Variants in PEAK1 observed in about 807,000 individuals in gnomAD.
PEAK1 encodes the protein inactive tyrosine-protein kinase PEAK1.
A neutral mutation model predicts 124.7 loss-of-function variants in PEAK1; 54 were observed. That is an observed-to-expected ratio of 0.43 (90% CI 0.35 to 0.54). The LOEUF is 0.54. Ranked by LOEUF, PEAK1 falls within the 20% of genes least tolerant of loss-of-function variation. The pLI is 0.01. For missense variants in PEAK1, 2,046 were observed against 2,134.5 expected, an observed-to-expected ratio of 0.96 and a Z score of 0.82; for synonymous variants, 719 against 760.0, an observed-to-expected ratio of 0.95 and a Z score of 0.89.
At chr15:77,397,409 G>T (rs975516944) in intron 1 of PEAK1, among the ~76,000 whole-genome samples, 2 of 151,710 alleles carry the variant, frequency 1.3e-5, no homozygotes, top group South Asian at 4.2e-4. Flanking sequence ...AACTAGAAAA[G>T]CAAGAGCAAA....
chr15:77,250,608 T>A (rs563991940), intron 6 of PEAK1, among the ~76,000 whole-genome samples: 15 of 152,042 alleles, frequency 9.9e-5, no homozygotes, highest in Non-Finnish European at 1.9e-4. Flanking sequence ...AATTTTTTTT[T>A]ATTTTTAGCA....
chr15:77,256,137 C>G (rs1205397321), intron 5 of PEAK1, among the ~76,000 whole-genome samples: 2 of 152,012 alleles, frequency 1.3e-5, no homozygotes, highest in African/African-American at 4.8e-5. Flanking sequence ...GAACTATGTA[C>G]TAATTTGGGA....
intron 2 of PEAK1, among the ~76,000 whole-genome samples, chr15:77,364,110 A>G (rs146080401): frequency 5.2e-4 from 79 of 152,264 alleles, no homozygotes; most frequent in Non-Finnish European, 8.5e-4. Context: ...GAGGTAGGAG[A>G]ACTGCTTGAA....
chr15:77,321,818 C>T (rs905302254), intron 2 of PEAK1, among the ~76,000 whole-genome samples: 6 of 152,088 alleles, frequency 3.9e-5, no homozygotes, highest in Non-Finnish European at 7.4e-5. Flanking sequence ...TAATCCATCT[C>T]AAATTAACTT....
intron 1 of PEAK1, among the ~76,000 whole-genome samples, chr15:77,399,946 A>G (rs1279069377): frequency 6.6e-6 from 1 of 152,250 alleles, no homozygotes; most frequent in African/African-American, 2.4e-5. Flanking sequence ...AGAATATAGA[A>G]GGAGCTCAAA....
intron 1 of PEAK1, among the ~76,000 whole-genome samples, chr15:77,382,454 T>C (rs560284220): frequency 3.9e-5 from 6 of 152,346 alleles, no homozygotes. Context: ...TGTGTGGCTA[T>C]GTGAGGCTCG....
At position 77,115,222 on chromosome 15, in the gene PEAK1, C is replaced by A. The variant is rs763195169; in HGVS notation, c.4175G>T (p.Gly1392Val). 1 of 1,614,034 alleles carries A rather than the reference C, an allele frequency of 6.2e-7. No homozygotes were observed. Among genetic ancestry groups the A allele is most frequent in the African/African-American group, 1.3e-5 (1 of 74,912 alleles). The stretch of plus-strand genomic sequence containing the variant: ...GTTAGGGACTTCAGCAAGGAAATGA[C>A]CACAGTCCTGCTGAATGTTAAAATG... ...AVHFNIQQDC[G>V]HFLAEVPNRL... Residue 1392 changes from glycine (G) to valine (V), a missense_variant, in exon 10 of 10, where the codon GGT (glycine) becomes GTT (valine). By Grantham distance (109) the Gly-to-Val change is moderately radical. Coordinates refer to ENST00000682557, the MANE Select transcript of PEAK1 (RefSeq NM_001385026.1).
intron 5 of PEAK1, among the ~76,000 whole-genome samples, chr15:77,274,381 G>A (rs1043831107): frequency 6.6e-6 from 1 of 151,664 alleles, no homozygotes. Context: ...ATCCGACAAA[G>A]GACTAATATC....
chr15:77,232,779 CT>C (rs1228584371), intron 6 of PEAK1, among the ~76,000 whole-genome samples: 1 of 152,148 alleles, frequency 6.6e-6, no homozygotes, highest in African/African-American at 2.4e-5. Flanking sequence ...GATTCTTGCT[CT>C]TGTCACCCAG....
chr15:77,262,786 T>A (rs920669388), intron 5 of PEAK1, among the ~76,000 whole-genome samples: 2 of 151,750 alleles, frequency 1.3e-5, no homozygotes, highest in African/African-American at 4.8e-5. Context: ...CCACCCCAAA[T>A]CAACAGAATA....
At chr15:77,354,970 C>T (rs538123532) in intron 2 of PEAK1, among the ~76,000 whole-genome samples, 3 of 151,286 alleles carry the variant, frequency 2.0e-5, no homozygotes, top group Non-Finnish European at 2.9e-5. Flanking sequence ...ACCTGGGAGG[C>T]GGAGCTTGCA....
At chr15:77,175,395 C>T (rs569135567) in intron 7 of PEAK1, among the ~76,000 whole-genome samples, 4 of 151,814 alleles carry the variant, frequency 2.6e-5, no homozygotes, top group African/African-American at 9.7e-5. Flanking sequence ...TGAACTCAAA[C>T]AAATTTACAA....
intron 5 of PEAK1, 118 bp downstream of exon 5, chr15:77,283,765 G>A (rs556970598): frequency 2.7e-5 from 8 of 293,404 alleles, no homozygotes; most frequent in East Asian, 1.7e-4. Flanking sequence ...TCAGGATAAC[G>A]TATGTGGTTG....
In PEAK1 at chr15:77,117,007, C is replaced by A. The variant is rs114080175; in HGVS notation, c.4078-1688G>T. ...GTTATTTTTGTAACTGCACTGTTGG[C>A]AATATTTCACATTTAAGTGTTACCA... On this transcript the variant is annotated intron_variant, in intron 9 of 9. Coordinates refer to ENST00000682557, the MANE Select transcript of PEAK1 (RefSeq NM_001385026.1). 7.4e-3 allele frequency among the ~76,000 whole-genome samples: 1,125 copies of A among 152,220 alleles called. 15 individuals are homozygous for A. The highest frequency in any genetic ancestry group is 0.025 in the African/African-American group (1,059 of 41,536).
At chr15:77,246,014 T>C (rs1037750999) in intron 6 of PEAK1, among the ~76,000 whole-genome samples, 7 of 141,436 alleles carry the variant, frequency 4.9e-5, no homozygotes, top group African/African-American at 1.8e-4. Context: ...CCTGCTAGAC[T>C]TTTTTTTTTT....
rs1486232535 is a variant in PEAK1, at chr15:77,179,238, T to C, written c.2689A>G (p.Thr897Ala). 2 of 1,614,020 alleles carry C rather than the reference T, an allele frequency of 1.2e-6. No individual in the cohort carries two copies. The highest frequency in any genetic ancestry group is 1.7e-5 in the Admixed American group (1 of 59,984). The change falls in exon 7 of 10, where the codon ACC (threonine) becomes GCC (alanine). Residue 897 changes from threonine to alanine, a missense_variant. Physicochemically the swap from Thr to Ala is moderately conservative, Grantham distance 58. Coordinates refer to ENST00000682557, the MANE Select transcript of PEAK1 (RefSeq NM_001385026.1). Reference sequence around the variant, plus strand: ...GCTTCTGTTGACCTGGTAGGGCTGGTTGGCTTGGTCCAGTTGGTGAAATGC... The same window carrying C: ...GCTTCTGTTGACCTGGTAGGGCTGGCTGGCTTGGTCCAGTTGGTGAAATGC... ...QRHFTNWTKPTSPTRSTEAES... is the reference protein window; with the variant it reads ...QRHFTNWTKPASPTRSTEAES...
chr15:77,367,077 T>C (rs531256338), intron 1 of PEAK1, among the ~76,000 whole-genome samples: 29 of 152,232 alleles, frequency 1.9e-4, no homozygotes, highest in African/African-American at 5.8e-4. Flanking sequence ...GAGATTGCAG[T>C]GAGCCGAGAT....
chr15:77,304,442 A>ATTTTTTTTTT (rs71145812), intron 2 of PEAK1, among the ~76,000 whole-genome samples: 2 of 86,492 alleles, frequency 2.3e-5, no homozygotes, highest in African/African-American at 4.8e-5. Context: ...TCCTGTATAC[A>ATTTTTTTTTT]TTTTTTTTTT....
chr15:77,160,403 T>A (rs1269725042), intron 7 of PEAK1, among the ~76,000 whole-genome samples: 1 of 152,028 alleles, frequency 6.6e-6, no homozygotes, highest in Non-Finnish European at 1.5e-5. Flanking sequence ...CCTGGCCAGG[T>A]TCAGTGGCTC....
Sources: gnomAD v4.1 joint callset for allele counts (sites outside exome capture counted in the v4.1 genomes callset) on GRCh38, gnomAD v4.1.1 for gene constraint, MANE v1.5 for transcripts, NCBI Gene and HGNC (gene_info 2026-07-23, HGNC 2026-07-21) for gene names.